The following GALNT14 variants were observed in gnomAD, a reference collection of about 807,000 sequenced individuals.
GALNT14 encodes polypeptide N-acetylgalactosaminyltransferase 14.
In GALNT14, 60 loss-of-function variants were observed where a neutral mutation model predicts 77.5. The ratio of observed to expected loss-of-function variants is 0.77; its 90% CI spans 0.63 to 0.96. The LOEUF is 0.96. Among genes scored for constraint, GALNT14 ranks in the 40% least tolerant of loss-of-function variants. The pLI is 0.00. For missense variants in GALNT14, 710 were observed against 731.0 expected (o/e 0.97, Z 0.33); for synonymous variants, 280 against 281.7 (o/e 0.99, Z 0.06).
chr2:31,121,920 G>A (rs1678432471), intron 1 of GALNT14, among the ~76,000 whole-genome samples: 1 of 152,106 alleles, frequency 6.6e-6, no homozygotes, highest in African/African-American at 2.4e-5. Flanking sequence ...CTGGCTTCCA[G>A]GAAGATGGTA....
intron 1 of GALNT14, among the ~76,000 whole-genome samples, chr2:31,037,653 T>C (rs1234161724): frequency 3.9e-5 from 6 of 152,130 alleles, no homozygotes; most frequent in Non-Finnish European, 7.4e-5. Context: ...GGGTGTGTTT[T>C]TGCTAATATT....
intron 9 of GALNT14, among the ~76,000 whole-genome samples, chr2:30,937,781 C>A (rs13433036): frequency 0.16 from 24,603 of 151,990 alleles, 2,117 homozygotes; most frequent in East Asian, 0.3. Context: ...CCTTTGCTAC[C>A]TAAGGTAACA....
chr2:31,066,420 G>A (rs1036139635), intron 1 of GALNT14, among the ~76,000 whole-genome samples: 24 of 150,552 alleles, frequency 1.6e-4, no homozygotes, highest in African/African-American at 4.6e-4. Context: ...GGCGGGGGGC[G>A]GGGGGGTGGT....
In GALNT14 at chr2:30,929,528, T is replaced by C. The variant is rs147331723; in HGVS notation, c.1059-41A>G. ...GTGACAAGGGGTGTCAGTAAGGGGC[T>C]GTCTGAGAGGCCCTGTGAGTGCCAG... On this transcript the variant is annotated intron_variant, in intron 10 of 14. Coordinates refer to ENST00000349752, the MANE Select transcript of GALNT14 (RefSeq NM_024572.4). The C allele has an allele frequency of 4.6e-4, 679 of 1,476,648 alleles. 2 individuals carry two copies. The East Asian group carries it at 9.5e-3, about 21-fold the overall frequency. 91.5% of individuals were successfully genotyped at this position (1,476,648 alleles called of 1,614,324 possible).
In GALNT14 at chr2:30,955,960, G is replaced by C; in HGVS notation, c.484C>G (p.Leu162Val). Residue 162 changes from leucine (L) to valine (V), a missense_variant, in exon 5 of 15, where the codon CTC (leucine) becomes GTC (valine). By Grantham distance (32) the Leu-to-Val change is conservative. Transcript: ENST00000349752. Reference protein sequence around the residue: ...FSNDPDDCKQLIKLPKVKCLR... With the variant: ...FSNDPDDCKQVIKLPKVKCLR... ...CATTTCACCTTGGGCAACTTGATGA[G>C]CTGTTTACAGTCATCAGCTGCAAAG... The C allele has an allele frequency of 1.9e-6, 3 of 1,614,214 alleles. No homozygotes were observed. The highest frequency in any genetic ancestry group is 2.5e-6 in the Non-Finnish European group (3 of 1,180,040).
chr2:31,054,107 G>T (rs967223779), intron 1 of GALNT14, among the ~76,000 whole-genome samples: 2 of 152,364 alleles, frequency 1.3e-5, no homozygotes, highest in East Asian at 1.9e-4. Flanking sequence ...TGCCTGCAAG[G>T]AGATCACACG....
intron 1 of GALNT14, among the ~76,000 whole-genome samples, chr2:31,016,383 G>C (rs1414391790): frequency 6.6e-6 from 1 of 152,148 alleles, no homozygotes; most frequent in Admixed American, 6.5e-5. Flanking sequence ...GGGGGTTAGA[G>C]CTCCAACGTA....
chr2:30,889,451 A>T, the GALNT14 span, among the ~76,000 whole-genome samples: 1 of 152,154 alleles, frequency 6.6e-6, no homozygotes, highest in Admixed American at 6.5e-5. Flanking sequence ...CACCCTGGAC[A>T]GGGACTTCTC....
intron 1 of GALNT14, among the ~76,000 whole-genome samples, chr2:31,076,892 T>C (rs367672230): frequency 8.5e-5 from 13 of 152,260 alleles, no homozygotes; most frequent in African/African-American, 2.2e-4. Flanking sequence ...TAGATGATCA[T>C]AAGCCCCAAA....
chr2:31,135,769 C>T (rs544622257), intron 1 of GALNT14, among the ~76,000 whole-genome samples: 2 of 152,344 alleles, frequency 1.3e-5, no homozygotes, highest in African/African-American at 2.4e-5. Flanking sequence ...CATCCTGCAA[C>T]TTATGTGGCC....
intron 1 of GALNT14, among the ~76,000 whole-genome samples, chr2:31,016,288 C>T (rs1303381461): frequency 1.3e-5 from 2 of 152,140 alleles, no homozygotes; most frequent in African/African-American, 4.8e-5. Context: ...TTCTAATCTT[C>T]CCTTCTTGTA....
chr2:31,004,187 G>A (rs765563519), intron 1 of GALNT14, among the ~76,000 whole-genome samples: 2 of 152,228 alleles, frequency 1.3e-5, no homozygotes, highest in Non-Finnish European at 2.9e-5. Flanking sequence ...ACTGGAACAG[G>A]AGAAGAGTCT....
intron 1 of GALNT14, among the ~76,000 whole-genome samples, chr2:31,101,126 T>C (rs989046165): frequency 6.6e-6 from 1 of 152,050 alleles, no homozygotes; most frequent in Non-Finnish European, 1.5e-5. Flanking sequence ...TGAGTGTATT[T>C]TTTAATTTTA....
chr2:31,137,875 C>T, intron 1 of GALNT14, 83 bp downstream of exon 1: 1 of 1,515,144 alleles, frequency 6.6e-7, no homozygotes, highest in Non-Finnish European at 8.9e-7. Context: ...CCTGGTTTCC[C>T]GGGAGCCCGC....
At chr2:31,125,892 T>G (rs1001559110) in intron 1 of GALNT14, among the ~76,000 whole-genome samples, 1 of 152,240 alleles carries the variant, frequency 6.6e-6, no homozygotes, top group African/African-American at 2.4e-5. Context: ...TGATGGCCTT[T>G]GTATTTTCAG....
At chr2:30,937,226 T>C (rs1666108476) in intron 9 of GALNT14, among the ~76,000 whole-genome samples, 1 of 152,242 alleles carries the variant, frequency 6.6e-6, no homozygotes, top group Non-Finnish European at 1.5e-5. Flanking sequence ...ATCCCTGCTC[T>C]CTGAAAGAGA....
chr2:30,927,067 G>A (rs903494683), intron 11 of GALNT14, among the ~76,000 whole-genome samples: 15 of 152,166 alleles, frequency 9.9e-5, no homozygotes, highest in African/African-American at 3.4e-4. Context: ...TAATGCAGCA[G>A]AGGAGAGACC....
chr2:31,100,756 T>C (rs1677229932), intron 1 of GALNT14, among the ~76,000 whole-genome samples: 1 of 151,906 alleles, frequency 6.6e-6, no homozygotes, highest in Admixed American at 6.6e-5. Flanking sequence ...ATGGTAGAGT[T>C]ACGTCCTGAT....
At chr2:31,008,778 T>G (rs552405303) in intron 1 of GALNT14, among the ~76,000 whole-genome samples, 1 of 152,334 alleles carries the variant, frequency 6.6e-6, no homozygotes, top group African/African-American at 2.4e-5. Flanking sequence ...ATGTGACATT[T>G]TAATGGCATA....
Sources: gnomAD v4.1 joint callset for allele counts (sites outside exome capture counted in the v4.1 genomes callset) on GRCh38, gnomAD v4.1.1 for gene constraint, MANE v1.5 for transcripts, NCBI Gene and HGNC (gene_info 2026-07-23, HGNC 2026-07-21) for gene names.